B3GALT1: variants seen among roughly 807,000 people sequenced by gnomAD.
B3GALT1 encodes UDP-Gal:betaGlcNAc beta 1,3-galactosyltransferase, polypeptide 1.
In B3GALT1, 10 loss-of-function variants were observed where a neutral mutation model predicts 23.2. That is an observed-to-expected ratio of 0.43 (90% CI 0.27 to 0.73). The LOEUF is 0.73. Among genes scored for constraint, B3GALT1 ranks in the 30% least tolerant of loss-of-function variants. The pLI is 0.21. For synonymous variants in B3GALT1, 156 were observed against 141.5 expected (o/e 1.10, Z -0.73); for missense variants, 299 against 405.4 (o/e 0.74, Z 2.25).
chr2:167,591,892 G>C (rs1031538704), intron 2 of B3GALT1, among the ~76,000 whole-genome samples: 2 of 152,150 alleles, frequency 1.3e-5, no homozygotes, highest in Non-Finnish European at 2.9e-5. Flanking sequence ...ACCCAAAGGT[G>C]AGATGATTGT....
At chr2:167,770,667 C>T (rs1688057983) in intron 3 of B3GALT1, among the ~76,000 whole-genome samples, 3 of 152,132 alleles carry the variant, frequency 2.0e-5, no homozygotes, top group African/African-American at 7.2e-5. Flanking sequence ...CATACTATTT[C>T]CACTAAACCT....
At chr2:167,357,695 T>C (rs2105260398) in intron 1 of B3GALT1, among the ~76,000 whole-genome samples, 1 of 152,344 alleles carries the variant, frequency 6.6e-6, no homozygotes, top group Middle Eastern at 3.4e-3. Flanking sequence ...TGGTACAATA[T>C]TGAGCACTTT....
At chr2:167,815,759 A>G (rs1385639321) in intron 3 of B3GALT1, among the ~76,000 whole-genome samples, 1 of 152,226 alleles carries the variant, frequency 6.6e-6, no homozygotes, top group Non-Finnish European at 1.5e-5. Context: ...ATAATGTGCT[A>G]GAATAGCTAT....
intron 1 of B3GALT1, among the ~76,000 whole-genome samples, chr2:167,338,189 A>T (rs1467657431): frequency 6.6e-6 from 1 of 152,196 alleles, no homozygotes; most frequent in Admixed American, 6.6e-5. Flanking sequence ...TTCTTAGATT[A>T]TATGTAAAAG....
At position 167,646,952 on chromosome 2, in the gene B3GALT1, C is replaced by T. The variant is rs1222288897; in HGVS notation, c.-366C>T. On this transcript the variant is annotated 5_prime_UTR_variant, in exon 3 of 5. Transcript: ENST00000392690. ...GGGTCCTCAGAAGTGTTCTGGAGAT[C>T]GCCTCTTTGAAAGCGTAAGTGTAAA... is the stretch of plus-strand genomic sequence containing the variant. Among the ~76,000 whole-genome samples, 2 of 152,118 alleles carry T rather than the reference C, an allele frequency of 1.3e-5. No individual in the cohort carries two copies. The highest frequency in any genetic ancestry group is 4.8e-5 in the African/African-American group (2 of 41,490).
intron 3 of B3GALT1, among the ~76,000 whole-genome samples, chr2:167,683,761 A>G (rs1686573144): frequency 6.6e-6 from 1 of 152,140 alleles, no homozygotes; most frequent in African/African-American, 2.4e-5. Flanking sequence ...ACACACACAC[A>G]CACACATCAA....
intron 1 of B3GALT1, among the ~76,000 whole-genome samples, chr2:167,360,911 A>T (rs2617392): frequency 6.6e-6 from 1 of 151,822 alleles, no homozygotes; most frequent in Non-Finnish European, 1.5e-5. Flanking sequence ...CTCTAACTCC[A>T]TGAGCTCCAC....
intron 2 of B3GALT1, among the ~76,000 whole-genome samples, chr2:167,599,814 A>G (rs772309909): frequency 3.9e-5 from 6 of 152,136 alleles, no homozygotes; most frequent in Non-Finnish European, 5.9e-5. Flanking sequence ...AACTGGACAC[A>G]TGTTTTTTTT....
At chr2:167,844,447 G>A (rs1375078587) in intron 4 of B3GALT1, among the ~76,000 whole-genome samples, 1 of 152,224 alleles carries the variant, frequency 6.6e-6, no homozygotes, top group Non-Finnish European at 1.5e-5. Context: ...TAGTGGGAAA[G>A]GGAGACCCTC....
intron 2 of B3GALT1, among the ~76,000 whole-genome samples, chr2:167,581,941 C>T (rs1684489499): frequency 6.6e-6 from 1 of 152,176 alleles, no homozygotes; most frequent in African/African-American, 2.4e-5. Flanking sequence ...TGTGCCCTGT[C>T]TTCTGTGCAT....
intron 3 of B3GALT1, among the ~76,000 whole-genome samples, chr2:167,760,623 A>G (rs1041178446): frequency 6.6e-6 from 1 of 152,182 alleles, no homozygotes; most frequent in Non-Finnish European, 1.5e-5. Flanking sequence ...AACTTTTTAC[A>G]GTTCTTGTCA....
intron 1 of B3GALT1, among the ~76,000 whole-genome samples, chr2:167,359,368 G>A (rs529721140): frequency 4.0e-4 from 61 of 152,234 alleles, no homozygotes; most frequent in African/African-American, 1.3e-3. Flanking sequence ...GCTCCCTTCT[G>A]TAATACTCAC....
chr2:167,510,298 A>G (rs1316465435), intron 2 of B3GALT1, among the ~76,000 whole-genome samples: 1 of 152,108 alleles, frequency 6.6e-6, no homozygotes, highest in Non-Finnish European at 1.5e-5. Context: ...GCTTGCACAG[A>G]ATGAGTCATT....
At chr2:167,493,353 G>C (rs1178002566) in intron 2 of B3GALT1, among the ~76,000 whole-genome samples, 1 of 152,098 alleles carries the variant, frequency 6.6e-6, no homozygotes, top group Non-Finnish European at 1.5e-5. Flanking sequence ...AAATACATCA[G>C]AATGCCTGAC....
rs1386843491 is a variant in B3GALT1, at chr2:167,797,720, G to T, written c.-351-20952G>T. ...TGTGGATTTTGTTTTGTTTTGTTTT[G>T]TTTTTTGAGATAGAGTCTTGCTCTG... On this transcript the variant is annotated intron_variant, in intron 3 of 4. Transcript: ENST00000392690. 1.1e-3 allele frequency among the ~76,000 whole-genome samples: 164 copies of T among 150,672 alleles called. 4 individuals carry two copies. The highest frequency in any genetic ancestry group is 3.8e-3 in the African/African-American group (154 of 40,736).
At chr2:167,827,894 G>C (rs1689261164) in intron 4 of B3GALT1, among the ~76,000 whole-genome samples, 1 of 152,124 alleles carries the variant, frequency 6.6e-6, no homozygotes, top group South Asian at 2.1e-4. Flanking sequence ...CTGCTAGAAG[G>C]TCAACACAGA....
At chr2:167,608,429 G>A (rs1021062737) in intron 2 of B3GALT1, among the ~76,000 whole-genome samples, 11 of 152,154 alleles carry the variant, frequency 7.2e-5, no homozygotes, top group African/African-American at 2.4e-4. Flanking sequence ...ATCTTTGAGA[G>A]TTTAAAACGC....
intron 4 of B3GALT1, among the ~76,000 whole-genome samples, chr2:167,824,398 A>G (rs1297671399): frequency 1.3e-5 from 2 of 152,254 alleles, no homozygotes; most frequent in African/African-American, 4.8e-5. Context: ...CAAAGTTAAT[A>G]TAGGAGTCAA....
At chr2:167,514,928 A>G (rs961535941) in intron 2 of B3GALT1, among the ~76,000 whole-genome samples, 1 of 152,140 alleles carries the variant, frequency 6.6e-6, no homozygotes, top group Admixed American at 6.5e-5. Flanking sequence ...GGTAATAGGA[A>G]CTGGTTAATA....
Sources: allele counts gnomAD v4.1 joint callset (sites outside exome capture counted in the v4.1 genomes callset), GRCh38; gene constraint gnomAD v4.1.1; transcripts MANE v1.5; gene names NCBI Gene and HGNC (gene_info 2026-07-23, HGNC 2026-07-21).